Variants in KCNMA1 observed in about 807,000 individuals in gnomAD.
KCNMA1 encodes Calcium-activated potassium channel subunit alpha-1.
In KCNMA1, 29 loss-of-function variants were observed where a neutral mutation model predicts 140.0. That is an observed-to-expected ratio of 0.21 (90% CI 0.15 to 0.28). KCNMA1 has a LOEUF of 0.28. Among genes scored for constraint, KCNMA1 ranks in the 10% least tolerant of loss-of-function variants. KCNMA1 has a pLI of 1.00. For synonymous variants in KCNMA1, 612 were observed against 611.9 expected, an observed-to-expected ratio of 1.00 and a Z score of 0.00; for missense variants, 880 against 1,602.2, an observed-to-expected ratio of 0.55 and a Z score of 7.70.
chr10:77,608,216 A>G (rs2085272329), intron 1 of KCNMA1, among the ~76,000 whole-genome samples: 1 of 152,098 alleles, frequency 6.6e-6, no homozygotes, highest in Non-Finnish European at 1.5e-5. Flanking sequence ...TCTGTTGCCC[A>G]GGTAGGAGTG....
intron 5 of KCNMA1, among the ~76,000 whole-genome samples, chr10:77,122,532 A>C (rs1169057185): frequency 6.6e-6 from 1 of 152,070 alleles, no homozygotes; most frequent in African/African-American, 2.4e-5. Flanking sequence ...CACCTCAGAA[A>C]GCAGAGAAAA....
At chr10:76,981,784 A>G (rs1412178852) in intron 19 of KCNMA1, among the ~76,000 whole-genome samples, 1 of 152,176 alleles carries the variant, frequency 6.6e-6, no homozygotes, top group Admixed American at 6.5e-5. Flanking sequence ...TTGCATTATT[A>G]TAATTTGTGT....
chr10:76,926,565 T>C (rs1338874510), intron 23 of KCNMA1, among the ~76,000 whole-genome samples: 1 of 152,188 alleles, frequency 6.6e-6, no homozygotes, highest in Admixed American at 6.5e-5. Context: ...TGTGAGAATG[T>C]AGAAGGATTC....
At chr10:77,443,471 G>A (rs1187655803) in intron 1 of KCNMA1, among the ~76,000 whole-genome samples, 3 of 152,048 alleles carry the variant, frequency 2.0e-5, no homozygotes, top group South Asian at 2.1e-4. Context: ...AGGGTGAGAC[G>A]CTGCCAGTTG....
intron 1 of KCNMA1, among the ~76,000 whole-genome samples, chr10:77,551,632 C>G (rs964026242): frequency 1.3e-5 from 2 of 152,182 alleles, no homozygotes; most frequent in African/African-American, 4.8e-5. Context: ...TAATATGCAG[C>G]CTTAATTAAA....
chr10:77,533,066 A>C (rs959885788), intron 1 of KCNMA1, among the ~76,000 whole-genome samples: 1 of 152,210 alleles, frequency 6.6e-6, no homozygotes, highest in African/African-American at 2.4e-5. Flanking sequence ...TGGGAACATA[A>C]TAAATGTTTG....
chr10:77,270,150 T>G (rs1034526477), intron 2 of KCNMA1, among the ~76,000 whole-genome samples: 9 of 152,134 alleles, frequency 5.9e-5, no homozygotes, highest in African/African-American at 2.2e-4. Flanking sequence ...CCAGTGGCAA[T>G]GCAGGCCTCA....
At chr10:77,079,001 T>C (rs2096484161) in intron 13 of KCNMA1, among the ~76,000 whole-genome samples, 1 of 152,170 alleles carries the variant, frequency 6.6e-6, no homozygotes, top group Non-Finnish European at 1.5e-5. Flanking sequence ...AGAGGCGTGG[T>C]GGCTCATGCC....
intron 2 of KCNMA1, among the ~76,000 whole-genome samples, chr10:77,323,638 T>C (rs1350500371): frequency 1.3e-5 from 2 of 152,238 alleles, no homozygotes; most frequent in Admixed American, 6.5e-5. Flanking sequence ...TCAATGTGCA[T>C]ATAGTTAGGG....
intron 9 of KCNMA1, among the ~76,000 whole-genome samples, chr10:77,100,000 C>T (rs889932186): frequency 1.4e-4 from 21 of 152,180 alleles, no homozygotes; most frequent in African/African-American, 5.1e-4. Flanking sequence ...ATGTCTCTTG[C>T]TTTCATGATT....
At chr10:76,960,666 T>G (rs371753688) in intron 20 of KCNMA1, among the ~76,000 whole-genome samples, 85 of 150,662 alleles carry the variant, frequency 5.6e-4, no homozygotes, top group Middle Eastern at 3.4e-3. Flanking sequence ...AGGTTTATTT[T>G]TCCATTGCTA....
At chr10:77,262,583 A>G (rs1416500587) in intron 2 of KCNMA1, among the ~76,000 whole-genome samples, 1 of 152,024 alleles carries the variant, frequency 6.6e-6, no homozygotes, top group Admixed American at 6.6e-5. Context: ...CGTTTTGGTC[A>G]TGGGGGTGGA....
At chr10:77,308,639 AAC>A (rs1405368414) in intron 2 of KCNMA1, among the ~76,000 whole-genome samples, 1 of 152,198 alleles carries the variant, frequency 6.6e-6, no homozygotes, top group African/African-American at 2.4e-5. Context: ...TAAGTTTCCT[AAC>A]ACTGAGACAT....
At chr10:77,502,435 G>A (rs1394977339) in intron 1 of KCNMA1, among the ~76,000 whole-genome samples, 2 of 152,118 alleles carry the variant, frequency 1.3e-5, no homozygotes, top group East Asian at 3.9e-4. Context: ...ATGCTCTCAT[G>A]TTTCAGAGCC....
chr10:77,194,029 A>G (rs2039570677), intron 3 of KCNMA1, among the ~76,000 whole-genome samples: 1 of 152,128 alleles, frequency 6.6e-6, no homozygotes, highest in Non-Finnish European at 1.5e-5. Context: ...ATCTATAACC[A>G]GGGATAGCCA....
At chr10:77,393,238 A>T (rs980977681) in intron 2 of KCNMA1, among the ~76,000 whole-genome samples, 1 of 151,632 alleles carries the variant, frequency 6.6e-6, no homozygotes, top group Non-Finnish European at 1.5e-5. Flanking sequence ...GCTGCTCAGC[A>T]CTCTTGGAAG....
In KCNMA1 at chr10:77,572,569, C is replaced by CATATATATATATATATATATATAT. The variant is rs56706119; in HGVS notation, c.378+64672_378+64695dup. ...TGTCGCTCCAAAAAAAAAAAAAATC[C>CATATATATATATATATATATATAT]ATATATATATATATATATATATATA... On this transcript the variant is annotated intron_variant, in intron 1 of 27. Coordinates refer to ENST00000286628, the MANE Select transcript of KCNMA1 (RefSeq NM_001161352.2). 2.8e-3 allele frequency among the ~76,000 whole-genome samples: 105 copies of CATATATATATATATATATATATAT among 37,532 alleles called. 3 individuals carry two copies. The highest frequency in any genetic ancestry group is 3.8e-3 in the Non-Finnish European group (79 of 21,036). The allele number at this position is 37,532 out of a possible 152,430, so 24.6% of individuals were successfully genotyped here. A position where few individuals can be genotyped will look rare whatever the true frequency, so the allele number is the denominator to read the frequency against.
intron 19 of KCNMA1, among the ~76,000 whole-genome samples, chr10:76,999,105 T>A (rs1285291946): frequency 6.6e-6 from 1 of 152,242 alleles, no homozygotes; most frequent in Non-Finnish European, 1.5e-5. Flanking sequence ...AACATGCCAC[T>A]CACAGAATGT....
chr10:77,255,408 T>C (rs929186011), intron 2 of KCNMA1, among the ~76,000 whole-genome samples: 2 of 151,894 alleles, frequency 1.3e-5, no homozygotes, highest in African/African-American at 4.8e-5. Context: ...TAGACCAGCC[T>C]GTCCAACACA....
Sources: allele counts gnomAD v4.1 joint callset (sites outside exome capture counted in the v4.1 genomes callset), GRCh38; gene constraint gnomAD v4.1.1; transcripts MANE v1.5; gene names NCBI Gene and HGNC (gene_info 2026-07-23, HGNC 2026-07-21).